Variants in BID observed in about 807,000 individuals in gnomAD.
The protein encoded by BID is BH3 interacting domain death agonist, also known as BH3-interacting domain death agonist.
In BID, 19 loss-of-function variants were observed where a neutral mutation model predicts 17.4. That is an observed-to-expected ratio of 1.09 (90% CI 0.76 to 1.60). The LOEUF (loss-of-function observed/expected upper bound fraction) is 1.60, where lower values mean the gene tolerates loss of function less well. Ranked by LOEUF, BID falls within the 40% of genes most tolerant of loss-of-function variation. The pLI, the probability that BID is intolerant of heterozygous loss-of-function variation, is 0.00. For synonymous variants in BID, 108 were observed against 102.8 expected (o/e 1.05, Z -0.31); for missense variants, 226 against 256.0 (o/e 0.88, Z 0.80).
intron 1 of BID, among the ~76,000 whole-genome samples, chr22:17,761,549 A>G (rs935595864): frequency 2.7e-5 from 4 of 149,644 alleles, no homozygotes; most frequent in Non-Finnish European, 5.9e-5. Context: ...CTCCTGCCTC[A>G]GCCTCCCGAG....
intron 2 of BID, among the ~76,000 whole-genome samples, chr22:17,746,854 C>G (rs2061498299): frequency 6.6e-6 from 1 of 152,116 alleles, no homozygotes; most frequent in Non-Finnish European, 1.5e-5. Flanking sequence ...GCCTCTAGAA[C>G]CGGGAGGGGA....
intron 5 of BID, 72 bp downstream of exon 5, chr22:17,737,945 G>A (rs925556370): frequency 2.3e-5 from 35 of 1,541,634 alleles, no homozygotes; most frequent in Non-Finnish European, 3.1e-5. Context: ...GGGCCCCGCT[G>A]GGCTTCTCAA....
chr22:17,765,955 G>C (rs911556259), intron 1 of BID, among the ~76,000 whole-genome samples: 9 of 152,182 alleles, frequency 5.9e-5, no homozygotes, highest in African/African-American at 2.2e-4. Context: ...TGGAGACAGG[G>C]TCTGGCTCTG....
At position 17,773,542 on chromosome 22, in the gene BID, C is replaced by A. The variant is rs973578373; in HGVS notation, c.-59+839G>T. 8.8e-5 allele frequency: 137 copies of A among 1,561,724 alleles called. No individual in the cohort carries two copies. Among genetic ancestry groups the A allele is most frequent in the Non-Finnish European group, 1.1e-4 (129 of 1,140,246 alleles). The stretch of plus-strand genomic sequence containing the variant: ...CTGGGTGGGTCCATCTGCTCCTCAC[C>A]TGCCCCAACCCTGCCTGCAGGTGAA... On this transcript the variant is annotated intron_variant, in intron 1 of 5. Coordinates refer to ENST00000622694, the MANE Select transcript of BID (RefSeq NM_001196.4). The surrounding 1 kb of genome is among the most constrained non-coding windows in gnomAD (Gnocchi z 4.4).
At chr22:17,754,850 C>T (rs540792810) in intron 1 of BID, among the ~76,000 whole-genome samples, 4 of 152,202 alleles carry the variant, frequency 2.6e-5, no homozygotes, top group South Asian at 2.1e-4. Flanking sequence ...CTGCAACCTC[C>T]GCCTCCCAGA....
chr22:17,771,251 C>G (rs1426629687), intron 1 of BID, among the ~76,000 whole-genome samples: 1 of 152,198 alleles, frequency 6.6e-6, no homozygotes, highest in Admixed American at 6.5e-5. Context: ...GGGCGCCCCC[C>G]ACCACGCACA....
chr22:17,756,494 T>TTCTTTCTTTCTTTCTTTCTTTC (rs1454070298), intron 1 of BID, among the ~76,000 whole-genome samples: 5 of 136,910 alleles, frequency 3.7e-5, no homozygotes, highest in African/African-American at 1.4e-4. Context: ...CTTTCTTTCT[T>TTCTTTCTTTCTTTCTTTCTTTC]TCTCTCTCTC....
At chr22:17,741,736 A>G (rs1022251922) in intron 3 of BID, among the ~76,000 whole-genome samples, 4 of 152,098 alleles carry the variant, frequency 2.6e-5, no homozygotes, top group Non-Finnish European at 5.9e-5. Flanking sequence ...TTGGCCTCCC[A>G]AAGTGCTGGG....
At chr22:17,747,838 G>C (rs2061504905) in intron 2 of BID, among the ~76,000 whole-genome samples, 1 of 151,844 alleles carries the variant, frequency 6.6e-6, no homozygotes, top group Non-Finnish European at 1.5e-5. Flanking sequence ...AGCACTTTGG[G>C]AAGCCGAGGC....
At chr22:17,751,265 G>C (rs1244534064) in intron 1 of BID, among the ~76,000 whole-genome samples, 1 of 151,808 alleles carries the variant, frequency 6.6e-6, no homozygotes, top group South Asian at 2.1e-4. Context: ...CCAGCTACTC[G>C]GGAGGCTGAG....
At chr22:17,768,665 A>C (rs1274491864) in intron 1 of BID, among the ~76,000 whole-genome samples, 7 of 152,182 alleles carry the variant, frequency 4.6e-5, no homozygotes, top group Non-Finnish European at 7.4e-5. Context: ...CGAGGTCAGG[A>C]GATCGAGACC....
At chr22:17,754,754 GT>G (rs2061568860) in intron 1 of BID, among the ~76,000 whole-genome samples, 1 of 152,050 alleles carries the variant, frequency 6.6e-6, no homozygotes, top group South Asian at 2.1e-4. Flanking sequence ...CAGTTTTTTT[GT>G]TTTTGTTTTT....
At chr22:17,754,707 A>G (rs2061568577) in intron 1 of BID, among the ~76,000 whole-genome samples, 1 of 152,044 alleles carries the variant, frequency 6.6e-6, no homozygotes, top group African/African-American at 2.4e-5. Context: ...TCCTAGTCCC[A>G]CTCACAGGAA....
chr22:17,773,681 G>T lies in BID; in HGVS notation c.-59+700C>A. 1 of 1,610,158 alleles carries T rather than the reference G, an allele frequency of 6.2e-7. No individual in the cohort carries two copies. Reference sequence around the variant, plus strand: ...ACCGAGCCATCATGACCCCAGCACCGCTGCACATTCGTATTTGTTGAATGA... The same window carrying T: ...ACCGAGCCATCATGACCCCAGCACCTCTGCACATTCGTATTTGTTGAATGA... On this transcript the variant is annotated intron_variant, in intron 1 of 5. Coordinates refer to ENST00000622694, the MANE Select transcript of BID (RefSeq NM_001196.4). This position sits in a 1 kb window ranked among gnomAD's most constrained non-coding sequence, Gnocchi z 4.4.
rs1218115925 is a variant in BID, at chr22:17,750,317, T to C, written c.-58-143A>G. ...CTGAGCCCCGCATCCTGAGTTTCTT[T>C]CTCCTTGGCGGGAGCCAAGCTTTGT... is the stretch of plus-strand genomic sequence containing the variant. On this transcript the variant is annotated intron_variant, in intron 1 of 5. Coordinates refer to ENST00000622694, the MANE Select transcript of BID (RefSeq NM_001196.4). 6 of 711,470 alleles carry C rather than the reference T, an allele frequency of 8.4e-6. No individual in the cohort carries two copies. The African/African-American group carries it at 1.1e-4, about 13-fold the overall frequency. The allele number at this position is 711,470 out of a possible 1,614,324, so 44.1% of individuals were successfully genotyped here.
chr22:17,773,847 G>C lies in BID; in HGVS notation c.-59+534C>G. 1.3e-6 allele frequency: 1 copy of C among 742,634 alleles called. No individual in the cohort carries two copies. Among genetic ancestry groups the C allele is most frequent in the East Asian group, 2.7e-5 (1 of 36,910 alleles). The allele number at this position is 742,634 out of a possible 1,614,324, so 46.0% of individuals were successfully genotyped here. On this transcript the variant is annotated intron_variant, in intron 1 of 5. Transcript: ENST00000622694. The surrounding 1 kb of genome is among the most constrained non-coding windows in gnomAD (Gnocchi z 4.4). ...CGCACATCATTGCCAGTGCTCTAAGGAGCGGGCGAGCCCCAGTAAGCGGCC... is the reference window on the plus strand; with the variant it reads ...CGCACATCATTGCCAGTGCTCTAAGCAGCGGGCGAGCCCCAGTAAGCGGCC...
At position 17,761,795 on chromosome 22, in the gene BID, G is replaced by C. The variant is rs71328236; in HGVS notation, c.-58-11621C>G. On this transcript the variant is annotated intron_variant, in intron 1 of 5. Coordinates refer to ENST00000622694, the MANE Select transcript of BID (RefSeq NM_001196.4). Reference sequence around the variant, plus strand: ...TAAACAAAGAAGGCAAGACCATCAAGGCCAGCAAACTTTGCTAAAATTGTG... The same window carrying C: ...TAAACAAAGAAGGCAAGACCATCAACGCCAGCAAACTTTGCTAAAATTGTG... 5.7e-3 allele frequency among the ~76,000 whole-genome samples: 868 copies of C among 152,250 alleles called. 5 individuals are homozygous for C. Among genetic ancestry groups the C allele is most frequent in the Non-Finnish European group, 8.8e-3 (596 of 68,028 alleles).
Position 17,773,521 on chromosome 22 carries a change from G to T in BID, c.-59+860C>A. 7.5e-7 allele frequency: 1 copy of T among 1,341,778 alleles called. No homozygotes were observed. Among genetic ancestry groups the T allele is most frequent in the Non-Finnish European group, 1.1e-6 (1 of 948,156 alleles). 83.1% of individuals were successfully genotyped at this position (1,341,778 alleles called of 1,614,324 possible). A position where few individuals can be genotyped will look rare whatever the true frequency, so the allele number is the denominator to read the frequency against. ...GCCTGAGAAGGTGGAAGAGCTCTGG[G>T]TGGGTCCATCTGCTCCTCACCTGCC... On this transcript the variant is annotated intron_variant, in intron 1 of 5. Transcript: ENST00000622694. The surrounding 1 kb of genome is among the most constrained non-coding windows in gnomAD (Gnocchi z 4.4).
chr22:17,742,072 A>T (rs1601839871), intron 3 of BID, among the ~76,000 whole-genome samples: 1 of 152,158 alleles, frequency 6.6e-6, no homozygotes, highest in East Asian at 1.9e-4. Context: ...ATCTTTCCTG[A>T]TCCGTCTGTG....
Sources: gnomAD v4.1 joint callset for allele counts (sites outside exome capture counted in the v4.1 genomes callset) on GRCh38, gnomAD v4.1.1 for gene constraint, Gnocchi (gnomAD v3.1) non-coding constraint, MANE v1.5 for transcripts, NCBI Gene and HGNC (gene_info 2026-07-23, HGNC 2026-07-21) for gene names.